The following SRP68 variants were observed in gnomAD, a reference collection of about 807,000 sequenced individuals.
SRP68 encodes signal recognition particle subunit SRP68.
A neutral mutation model predicts 82.2 loss-of-function variants in SRP68; 15 were observed. The ratio of observed to expected loss-of-function variants is 0.18; its 90% CI spans 0.12 to 0.28. SRP68 has a LOEUF of 0.28. Ranked by LOEUF, SRP68 falls within the 10% of genes least tolerant of loss-of-function variation. SRP68 has a pLI of 1.00. For synonymous variants in SRP68, 261 were observed against 292.6 expected, an observed-to-expected ratio of 0.89 and a Z score of 1.10; for missense variants, 595 against 780.5, an observed-to-expected ratio of 0.76 and a Z score of 2.83.
intron 14 of SRP68, 108 bp from the exon 15 acceptor site, chr17:76,040,582 C>T: frequency 3.6e-6 from 4 of 1,104,770 alleles, no homozygotes; most frequent in Non-Finnish European, 5.5e-6. Context: ...GCAAAAGGAG[C>T]CAGCATGTGG....
chr17:76,048,071 A>G, intron 9 of SRP68, 101 bp from the exon 10 acceptor site: 1 of 575,314 alleles, frequency 1.7e-6, no homozygotes, highest in Non-Finnish European at 2.9e-6. Flanking sequence ...CTGAACATAG[A>G]CACAAACTCT....
At chr17:76,045,941 G>A in intron 11 of SRP68, 97 bp downstream of exon 11, 1 of 1,484,872 alleles carries the variant, frequency 6.7e-7, no homozygotes, top group African/African-American at 1.4e-5. Context: ...GGTCCTGCTT[G>A]TCACAGCCCT....
At chr17:76,052,580 G>A (rs3859183) in intron 8 of SRP68, among the ~76,000 whole-genome samples, 58,827 of 150,358 alleles carry the variant, frequency 0.39, 11,662 homozygotes, top group Admixed American at 0.52. Flanking sequence ...TGAGGCGGGC[G>A]GATCACGAGC....
rs1289981409 is a variant in SRP68, at chr17:76,070,370, A to T, written c.251+8T>A. 4.3e-6 allele frequency: 7 copies of T among 1,612,478 alleles called. No individual in the cohort carries two copies. In the African/African-American group the frequency reaches 8.0e-5, roughly 18 times the overall value. ...ATGATTTCCAAACATCTTGTATGTGATACTAACCTGTACCTCTGAAAATCT... is the reference window on the plus strand; with the variant it reads ...ATGATTTCCAAACATCTTGTATGTGTTACTAACCTGTACCTCTGAAAATCT... On this transcript the variant is annotated splice_region_variant and intron_variant, in intron 2 of 15. Coordinates refer to ENST00000307877, the MANE Select transcript of SRP68 (RefSeq NM_014230.4).
intron 11 of SRP68, 103 bp from the exon 12 acceptor site, chr17:76,045,489 G>A (rs74608967): frequency 1.3e-6 from 1 of 761,840 alleles, no homozygotes; most frequent in Non-Finnish European, 2.1e-6. Flanking sequence ...AAAAAAAAAA[G>A]CCCGAGGTCA....
intron 12 of SRP68, among the ~76,000 whole-genome samples, chr17:76,044,325 T>C (rs1312302503): frequency 6.6e-6 from 1 of 152,232 alleles, no homozygotes; most frequent in Non-Finnish European, 1.5e-5. Context: ...GTCGCAATCA[T>C]TCATCTCTGC....
intron 10 of SRP68, among the ~76,000 whole-genome samples, chr17:76,046,942 CTAAA>C (rs969035418): frequency 3.9e-5 from 6 of 152,004 alleles, no homozygotes; most frequent in African/African-American, 1.4e-4. Flanking sequence ...CTCCATCTCT[CTAAA>C]TAAATAAATA....
chr17:76,046,246 T>C (rs377492021), intron 10 of SRP68, 52 bp from the exon 11 acceptor site: 3 of 1,577,378 alleles, frequency 1.9e-6, no homozygotes, highest in Non-Finnish European at 2.6e-6. Context: ...GCGGAGGAAC[T>C]GGGAGGACTG....
chr17:76,042,125 C>G (rs897450980), intron 13 of SRP68, among the ~76,000 whole-genome samples: 4 of 152,008 alleles, frequency 2.6e-5, no homozygotes, highest in Admixed American at 1.3e-4. Context: ...ACCTCGTGAT[C>G]TGCCCGCCTC....
chr17:76,065,411 G>T (rs1475520197), intron 3 of SRP68, among the ~76,000 whole-genome samples: 1 of 139,852 alleles, frequency 7.2e-6, no homozygotes, highest in Non-Finnish European at 1.5e-5. Context: ...CTACACTCCA[G>T]CCTGGGTGAC....
chr17:76,051,527 T>C (rs1170121725), intron 8 of SRP68, among the ~76,000 whole-genome samples: 1 of 152,158 alleles, frequency 6.6e-6, no homozygotes, highest in Non-Finnish European at 1.5e-5. Flanking sequence ...TAAGAGATGG[T>C]TGGGGGAACA....
At position 76,050,521 on chromosome 17, in the gene SRP68, T is replaced by C; in HGVS notation, c.984A>G (p.Glu328=). 1 of 1,613,000 alleles carries C rather than the reference T, an allele frequency of 6.2e-7. No individual in the cohort carries two copies. Among genetic ancestry groups the C allele is most frequent in the African/African-American group, 1.3e-5 (1 of 74,860 alleles). Residue 328 remains glutamate (E), a synonymous_variant, in exon 9 of 16, where the codon GAA becomes GAG. Coordinates refer to ENST00000307877, the MANE Select transcript of SRP68 (RefSeq NM_014230.4). ...ACAGGCGCTCCTTAGTTTCTTCGCT[T>C]TCAGCCTAAACAAGGGCAGATCAAA... is the stretch of plus-strand genomic sequence containing the variant. ...ADNEAAIVQA[E]SEETKERLFE...
At chr17:76,062,760 TATATAAA>T (rs2066776175) in intron 4 of SRP68, among the ~76,000 whole-genome samples, 5 of 80,558 alleles carry the variant, frequency 6.2e-5, no homozygotes, top group Non-Finnish European at 8.9e-5. Flanking sequence ...TATATATATA[TATATAAA>T]ATATATATAT....
chr17:76,059,129 G>T (rs1265867907), intron 7 of SRP68, among the ~76,000 whole-genome samples: 1 of 152,180 alleles, frequency 6.6e-6, no homozygotes, highest in Non-Finnish European at 1.5e-5. Flanking sequence ...TTCACCTGTA[G>T]TTCCAGCTAC....
At chr17:76,067,068 C>T in intron 3 of SRP68, 149 bp downstream of exon 3, 1 of 620,796 alleles carries the variant, frequency 1.6e-6, no homozygotes, top group Non-Finnish European at 2.8e-6. Context: ...CTCTTTGAGC[C>T]TCAGTTTCCT....
chr17:76,054,578 G>A (rs1358030933), intron 8 of SRP68, among the ~76,000 whole-genome samples: 1 of 152,122 alleles, frequency 6.6e-6, no homozygotes, highest in African/African-American at 2.4e-5. Flanking sequence ...TGAGCTGGGC[G>A]CTGTGGCTCA....
chr17:76,055,460 T>G (rs928220152), intron 8 of SRP68, among the ~76,000 whole-genome samples: 3 of 151,794 alleles, frequency 2.0e-5, no homozygotes, highest in Non-Finnish European at 4.4e-5. Flanking sequence ...CTGATCTTCT[T>G]AAAACATCAT....
chr17:76,060,517 T>C, intron 6 of SRP68, 127 bp from the exon 7 acceptor site: 1 of 639,496 alleles, frequency 1.6e-6, no homozygotes, highest in Non-Finnish European at 2.8e-6. Flanking sequence ...CAGCACAATC[T>C]GTTCTCTGAA....
At chr17:76,054,901 T>A (rs2066701762) in intron 8 of SRP68, among the ~76,000 whole-genome samples, 1 of 152,024 alleles carries the variant, frequency 6.6e-6, no homozygotes, top group South Asian at 2.1e-4. Context: ...GAAACAGTGC[T>A]TTCCTTTCAG....
Sources: allele counts gnomAD v4.1 joint callset (sites outside exome capture counted in the v4.1 genomes callset), GRCh38; gene constraint gnomAD v4.1.1; transcripts MANE v1.5; gene names NCBI Gene and HGNC (gene_info 2026-07-23, HGNC 2026-07-21).